The following SPSB4 variants were observed in gnomAD, a reference collection of about 807,000 sequenced individuals.
The protein encoded by SPSB4 is SPRY domain-containing SOCS box protein 4.
SPSB4 carries 21 observed loss-of-function variants against 20.9 expected under a neutral mutation model. That is an observed-to-expected ratio of 1.01 (90% CI 0.71 to 1.45). The LOEUF is 1.45. SPSB4 is among the 40% of genes most tolerant of loss of function. The pLI, the probability that SPSB4 is intolerant of heterozygous loss-of-function variation, is 0.00. For missense variants in SPSB4, 399 were observed against 399.2 expected (o/e 1.00, Z 0.00); for synonymous variants, 207 against 183.8 (o/e 1.13, Z -1.02).
At chr3:141,061,090 C>T (rs1291948112) in intron 1 of SPSB4, among the ~76,000 whole-genome samples, 1 of 152,072 alleles carries the variant, frequency 6.6e-6, no homozygotes, top group East Asian at 1.9e-4. Context: ...TTACATATTT[C>T]TGTCTTCTCC....
intron 2 of SPSB4, among the ~76,000 whole-genome samples, chr3:141,086,337 G>A (rs1194998712): frequency 6.6e-6 from 1 of 152,180 alleles, no homozygotes; most frequent in African/African-American, 2.4e-5. Flanking sequence ...CAGAGTTTAT[G>A]TTCAAACTGC....
intron 2 of SPSB4, among the ~76,000 whole-genome samples, chr3:141,098,263 T>C (rs1229000614): frequency 6.6e-6 from 1 of 152,244 alleles, no homozygotes; most frequent in East Asian, 1.9e-4. Flanking sequence ...GTTTCGTCTT[T>C]TGTGTTTGTT....
chr3:141,136,236 T>C (rs530162366), intron 2 of SPSB4, among the ~76,000 whole-genome samples: 1,941 of 152,236 alleles, frequency 0.013, 39 homozygotes, highest in African/African-American at 0.045. Flanking sequence ...ATTCTGGTTA[T>C]TAGCCCTATG....
intron 2 of SPSB4, among the ~76,000 whole-genome samples, chr3:141,130,154 A>G (rs1406416920): frequency 1.3e-5 from 2 of 152,228 alleles, no homozygotes; most frequent in Non-Finnish European, 2.9e-5. Flanking sequence ...AGGTAATGAT[A>G]CACTTGACAA....
chr3:141,113,515 G>A (rs567407060), intron 2 of SPSB4, among the ~76,000 whole-genome samples: 26 of 152,206 alleles, frequency 1.7e-4, no homozygotes, highest in Non-Finnish European at 3.4e-4. Flanking sequence ...AAAACATTGT[G>A]CTAAGTGAAA....
intron 2 of SPSB4, among the ~76,000 whole-genome samples, chr3:141,087,512 A>C (rs1233496816): frequency 6.6e-6 from 1 of 152,188 alleles, no homozygotes; most frequent in East Asian, 1.9e-4. Context: ...GGGAGCCCCC[A>C]GTTGTAGGGT....
intron 2 of SPSB4, among the ~76,000 whole-genome samples, chr3:141,099,935 T>C (rs1938591590): frequency 1.3e-5 from 2 of 152,230 alleles, no homozygotes; most frequent in Admixed American, 1.3e-4. Context: ...TAGTATGGTC[T>C]TGACTGGTCT....
intron 2 of SPSB4, among the ~76,000 whole-genome samples, chr3:141,076,451 A>T (rs539606869): frequency 1.3e-5 from 2 of 152,270 alleles, no homozygotes; most frequent in African/African-American, 4.8e-5. Flanking sequence ...GATTACTGCA[A>T]ATGGAAACAG....
At position 141,051,365 on chromosome 3, in the gene SPSB4, A is replaced by C. The variant is rs866740475; in HGVS notation, c.-781A>C. The C allele has an allele frequency of 9.7e-5, 15 of 154,792 alleles. No homozygotes were observed. The highest frequency in any genetic ancestry group is 3.4e-3 in the Middle Eastern group (1 of 298). 9.6% of individuals were successfully genotyped at this position (154,792 alleles called of 1,614,324 possible). A position where few individuals can be genotyped will look rare whatever the true frequency, so the allele number is the denominator to read the frequency against. On this transcript the variant is annotated 5_prime_UTR_variant, in exon 1 of 3. Coordinates refer to ENST00000310546, the MANE Select transcript of SPSB4 (RefSeq NM_080862.3). ...CTCAGCCAGATCGGCTTTCAGCTGC[A>C]GCCTCCGGGCCGGCCGGGAAGGCGG...
intron 2 of SPSB4, among the ~76,000 whole-genome samples, chr3:141,080,668 C>G (rs1357981359): frequency 6.6e-6 from 1 of 152,222 alleles, no homozygotes; most frequent in African/African-American, 2.4e-5. Context: ...TCAAGCTGGC[C>G]TGGGCCCTTG....
intron 2 of SPSB4, among the ~76,000 whole-genome samples, chr3:141,106,265 G>A (rs192853651): frequency 6.6e-6 from 1 of 152,338 alleles, no homozygotes; most frequent in East Asian, 1.9e-4. Flanking sequence ...TGGGTTTTGA[G>A]GTACCAGTTG....
intron 2 of SPSB4, among the ~76,000 whole-genome samples, chr3:141,101,753 A>G (rs1361432139): frequency 1.3e-5 from 2 of 152,182 alleles, no homozygotes; most frequent in African/African-American, 2.4e-5. Context: ...CCTTCCCTTA[A>G]GCTAAACAAC....
chr3:141,130,678 C>A (rs1397187429), intron 2 of SPSB4, among the ~76,000 whole-genome samples: 1 of 152,134 alleles, frequency 6.6e-6, no homozygotes, highest in Non-Finnish European at 1.5e-5. Flanking sequence ...GAGAAGACTT[C>A]AGAGGGCCCA....
rs183011459 is a variant in SPSB4, at chr3:141,072,916, C to T, written c.694+6118C>T. 1.6e-3 allele frequency among the ~76,000 whole-genome samples: 238 copies of T among 152,254 alleles called. 1 individual carries two copies. Among genetic ancestry groups the T allele is most frequent in the African/African-American group, 5.5e-3 (227 of 41,550 alleles). Reference sequence around the variant, plus strand: ...TCATACTGAAAACATTCCCCTGTATCTTGTTTTCTCCCTTCAATGGACCTT... The same window carrying T: ...TCATACTGAAAACATTCCCCTGTATTTTGTTTTCTCCCTTCAATGGACCTT... On this transcript the variant is annotated intron_variant, in intron 2 of 2. Coordinates refer to ENST00000310546, the MANE Select transcript of SPSB4 (RefSeq NM_080862.3).
At chr3:141,126,842 T>G (rs995740360) in intron 2 of SPSB4, among the ~76,000 whole-genome samples, 1 of 152,150 alleles carries the variant, frequency 6.6e-6, no homozygotes, top group African/African-American at 2.4e-5. Context: ...TGCCTCTGCT[T>G]TTGATGGTAA....
chr3:141,130,419 A>AGT (rs1446101093), intron 2 of SPSB4, among the ~76,000 whole-genome samples: 1 of 152,140 alleles, frequency 6.6e-6, no homozygotes, highest in Non-Finnish European at 1.5e-5. Flanking sequence ...TCTGCCACAG[A>AGT]GTGTGTGTGT....
At chr3:141,054,960 G>A (rs1018421633) in intron 1 of SPSB4, among the ~76,000 whole-genome samples, 3 of 54,390 alleles carry the variant, frequency 5.5e-5, no homozygotes, top group African/African-American at 1.5e-4. Context: ...GCGAGACTCC[G>A]TCTCAAAAAA....
At chr3:141,111,354 CTTTTTTTTTTTTTT>C (rs34223433) in intron 2 of SPSB4, among the ~76,000 whole-genome samples, 4 of 61,802 alleles carry the variant, frequency 6.5e-5, no homozygotes, top group East Asian at 6.3e-4. Context: ...CTGGAACTTG[CTTTTTTTTTTTTTT>C]TTTTTTTTTT....
chr3:141,128,654 T>G (rs1281729592), intron 2 of SPSB4, among the ~76,000 whole-genome samples: 1 of 151,878 alleles, frequency 6.6e-6, no homozygotes, highest in East Asian at 1.9e-4. Context: ...CAGAAGGAGC[T>G]GGGGTTGCAG....
Sources: allele counts gnomAD v4.1 joint callset (sites outside exome capture counted in the v4.1 genomes callset), GRCh38; gene constraint gnomAD v4.1.1; transcripts MANE v1.5; gene names NCBI Gene and HGNC (gene_info 2026-07-23, HGNC 2026-07-21).